The following CRTC1 variants were observed in gnomAD, a reference collection of about 807,000 sequenced individuals.
CRTC1 encodes the protein CREB-regulated transcription coactivator 1.
CRTC1 carries 18 observed loss-of-function variants against 66.1 expected under a neutral mutation model. The observed-to-expected ratio is 0.27, with a 90% CI of 0.19 to 0.40. CRTC1 has a LOEUF of 0.40. Among genes scored for constraint, CRTC1 ranks in the 10% least tolerant of loss-of-function variants. The probability of loss-of-function intolerance (pLI) is 1.00; values close to 1 mark genes in which losing one functional copy is unlikely to be tolerated. For missense variants in CRTC1, 669 were observed against 887.9 expected (o/e 0.75, Z 3.13); for synonymous variants, 416 against 398.8 (o/e 1.04, Z -0.51).
intron 1 of CRTC1, among the ~76,000 whole-genome samples, chr19:18,687,794 A>T (rs1600736053): frequency 1.3e-5 from 2 of 152,000 alleles, no homozygotes; most frequent in Admixed American, 6.6e-5. Context: ...GGACCTCACC[A>T]GGGCACAAGC....
chr19:18,773,622 A>G (rs2054919844), intron 11 of CRTC1, among the ~76,000 whole-genome samples: 1 of 152,112 alleles, frequency 6.6e-6, no homozygotes, highest in Non-Finnish European at 1.5e-5. Context: ...CGCCTCGGGC[A>G]AACCAAGCCG....
chr19:18,738,305 A>G (rs1225655534), intron 1 of CRTC1, among the ~76,000 whole-genome samples: 3 of 152,190 alleles, frequency 2.0e-5, no homozygotes, highest in African/African-American at 7.2e-5. Context: ...TGACAGAGTG[A>G]GAGCCTGTCT....
chr19:18,773,108 CTG>C (rs2054906309), intron 11 of CRTC1, among the ~76,000 whole-genome samples: 1 of 152,336 alleles, frequency 6.6e-6, no homozygotes, highest in African/African-American at 2.4e-5. Flanking sequence ...AAGCCCATGT[CTG>C]TGTGTCTGGT....
intron 9 of CRTC1, among the ~76,000 whole-genome samples, chr19:18,767,448 C>G (rs2054761714): frequency 6.6e-6 from 1 of 152,188 alleles, no homozygotes; most frequent in Admixed American, 6.5e-5. Flanking sequence ...ATCACCCTGT[C>G]TCAGCTTTCC....
At chr19:18,754,398 A>G (rs1266998268) in intron 6 of CRTC1, among the ~76,000 whole-genome samples, 1 of 152,154 alleles carries the variant, frequency 6.6e-6, no homozygotes, top group Admixed American at 6.5e-5. Context: ...CTGTACTCTG[A>G]GCTACTCAGG....
chr19:18,769,847 G>A (rs1342060374), intron 10 of CRTC1, among the ~76,000 whole-genome samples: 1 of 152,120 alleles, frequency 6.6e-6, no homozygotes, highest in Non-Finnish European at 1.5e-5. Flanking sequence ...TAGCCTCCTG[G>A]GGTTGAGGGG....
At chr19:18,686,666 G>T (rs962741821) in intron 1 of CRTC1, among the ~76,000 whole-genome samples, 1 of 152,122 alleles carries the variant, frequency 6.6e-6, no homozygotes, top group Non-Finnish European at 1.5e-5. Context: ...ACAAAAACAA[G>T]ATTCTGAAGA....
intron 1 of CRTC1, among the ~76,000 whole-genome samples, chr19:18,740,329 G>T (rs2145718025): frequency 6.6e-6 from 1 of 152,050 alleles, no homozygotes; most frequent in South Asian, 2.1e-4. Context: ...CCTCCAGTCA[G>T]CCCCTCATGT....
At chr19:18,752,701 C>T (rs1047648778) in intron 5 of CRTC1, among the ~76,000 whole-genome samples, 1 of 150,722 alleles carries the variant, frequency 6.6e-6, no homozygotes, top group Non-Finnish European at 1.5e-5. Flanking sequence ...AGTGCAATGG[C>T]GTGATGTCAG....
At chr19:18,718,692 T>C (rs898899828) in intron 1 of CRTC1, among the ~76,000 whole-genome samples, 1 of 152,152 alleles carries the variant, frequency 6.6e-6, no homozygotes, top group Admixed American at 6.6e-5. Flanking sequence ...GACAGACCAG[T>C]CTTATTCATT....
In CRTC1 at chr19:18,743,627, C is replaced by T. The variant is rs56265964; in HGVS notation, c.243+601C>T. Reference sequence around the variant, plus strand: ...TCTGGGCTCTGCATGGACAGGTCCCCCTGGGGGGGGGTCACACCTACTCTG... The same window carrying T: ...TCTGGGCTCTGCATGGACAGGTCCCTCTGGGGGGGGGTCACACCTACTCTG... On this transcript the variant is annotated intron_variant, in intron 2 of 13. Coordinates refer to ENST00000321949, the MANE Select transcript of CRTC1 (RefSeq NM_015321.3). Among the ~76,000 whole-genome samples, 756 of 139,228 alleles carry T rather than the reference C, an allele frequency of 5.4e-3. 4 individuals are homozygous for T. The highest frequency in any genetic ancestry group is 8.9e-3 in the Non-Finnish European group (578 of 65,180). The allele number at this position is 139,228 out of a possible 152,430, so 91.3% of individuals were successfully genotyped here.
chr19:18,684,131 G>C (rs985591238), intron 1 of CRTC1, among the ~76,000 whole-genome samples: 4 of 151,966 alleles, frequency 2.6e-5, no homozygotes, highest in African/African-American at 9.7e-5. Context: ...CTAGTACCTC[G>C]TCGTTACCTG....
chr19:18,751,800 G>A lies in CRTC1; in HGVS notation c.539-1700G>A, dbSNP rs1000248569. Among the ~76,000 whole-genome samples, 3 of 152,224 alleles carry A rather than the reference G, an allele frequency of 2.0e-5. No homozygotes were observed. In the South Asian group the frequency reaches 6.2e-4, roughly 32 times the overall value. ...GCTTGGTGCCGGGGGCTCAATAAAG[G>A]TTCAGCCACTGGGTGTCAGCAGCCC... On this transcript the variant is annotated intron_variant, in intron 5 of 13. Transcript: ENST00000321949.
intron 1 of CRTC1, among the ~76,000 whole-genome samples, chr19:18,696,330 G>T: frequency 6.6e-6 from 1 of 152,180 alleles, no homozygotes; most frequent in East Asian, 1.9e-4. Flanking sequence ...TGGGTGGAGG[G>T]CCTGGAGCCA....
intron 7 of CRTC1, 108 bp from the exon 8 acceptor site, chr19:18,759,900 T>TG: frequency 4.6e-6 from 4 of 874,358 alleles, no homozygotes; most frequent in Middle Eastern, 3.7e-4. Flanking sequence ...CGGCACCTGA[T>TG]GGGGGGTGGC....
chr19:18,728,063 A>G (rs2053801221), intron 1 of CRTC1, among the ~76,000 whole-genome samples: 1 of 152,112 alleles, frequency 6.6e-6, no homozygotes, highest in Admixed American at 6.6e-5. Context: ...CTGTGCGGGA[A>G]ACATCTCTGT....
At chr19:18,769,773 G>A (rs946190602) in intron 10 of CRTC1, among the ~76,000 whole-genome samples, 10 of 152,148 alleles carry the variant, frequency 6.6e-5, no homozygotes, top group African/African-American at 2.4e-4. Flanking sequence ...TCTTGGGTCA[G>A]GCTGTCCATG....
chr19:18,769,609 C>T (rs541929244), intron 10 of CRTC1, among the ~76,000 whole-genome samples: 3 of 152,192 alleles, frequency 2.0e-5, no homozygotes, highest in Non-Finnish European at 2.9e-5. Context: ...GGACCACCCA[C>T]GGCCCCTGGG....
rs900979314 is a variant in CRTC1 at position 18,777,480 on chromosome 19, A to T, written c.*98A>T. 7 of 1,180,468 alleles carry T rather than the reference A, an allele frequency of 5.9e-6. No homozygotes were observed. The highest frequency in any genetic ancestry group is 1.8e-5 in the Admixed American group (1 of 56,514). The allele number at this position is 1,180,468 out of a possible 1,614,324, so 73.1% of individuals were successfully genotyped here. A position where few individuals can be genotyped will look rare whatever the true frequency, so the allele number is the denominator to read the frequency against. On this transcript the variant is annotated 3_prime_UTR_variant, in exon 14 of 14. Transcript: ENST00000321949. This position sits in a 1 kb window ranked among gnomAD's most constrained non-coding sequence, Gnocchi z 5.5. ...TCCCTCGCCAACGGCCGAGCTTGTG[A>T]TTCTGAGCTTGCAATGCCGCCAAGC...
Sources: gnomAD v4.1 joint callset for allele counts (sites outside exome capture counted in the v4.1 genomes callset) on GRCh38, gnomAD v4.1.1 for gene constraint, Gnocchi (gnomAD v3.1) non-coding constraint, MANE v1.5 for transcripts, NCBI Gene and HGNC (gene_info 2026-07-23, HGNC 2026-07-21) for gene names.